PLCE1: variants seen among roughly 807,000 people sequenced by gnomAD.
The protein encoded by PLCE1 is phospholipase C epsilon 1.
A neutral mutation model predicts 242.8 loss-of-function variants in PLCE1; 119 were observed. The ratio of observed to expected loss-of-function variants is 0.49; its 90% CI spans 0.42 to 0.57. PLCE1 has a LOEUF of 0.57. Ranked by LOEUF, PLCE1 falls within the 20% of genes least tolerant of loss-of-function variation. PLCE1 has a pLI of 0.00. For synonymous variants in PLCE1, 945 were observed against 1,017.4 expected (o/e 0.93, Z 1.35); for missense variants, 2,441 against 2,788.8 (o/e 0.88, Z 2.81).
intron 2 of PLCE1, among the ~76,000 whole-genome samples, chr10:94,123,334 GT>G: frequency 6.6e-6 from 1 of 152,258 alleles, no homozygotes; most frequent in East Asian, 1.9e-4. Flanking sequence ...AGTGATAAAG[GT>G]TCAGCTTACT....
At chr10:94,136,958 C>T (rs972423765) in intron 3 of PLCE1, among the ~76,000 whole-genome samples, 7 of 152,120 alleles carry the variant, frequency 4.6e-5, no homozygotes, top group Admixed American at 6.6e-5. Context: ...TTTGGTAGGC[C>T]GAGGCGGGCA....
At chr10:94,320,381 T>C (rs2053754656) in intron 29 of PLCE1, among the ~76,000 whole-genome samples, 1 of 152,156 alleles carries the variant, frequency 6.6e-6, no homozygotes, top group Admixed American at 6.5e-5. Flanking sequence ...ATCATGTAAT[T>C]ATAAGGCCAT....
In PLCE1 at chr10:94,132,353, A is replaced by T; in HGVS notation, c.1386A>T (p.Ile462=). ...EYRATLQRTS[I]SQYITGSLLE... is the part of the protein sequence containing the mutation. ...GCGCCACCCTCCAAAGGACTTCAATATCGCAGTACATCACCGGTTCTCTCC... is the reference window on the plus strand; with the variant it reads ...GCGCCACCCTCCAAAGGACTTCAATTTCGCAGTACATCACCGGTTCTCTCC... Residue 462 remains isoleucine (I), a synonymous_variant, in exon 3 of 33, where the codon ATA becomes ATT. Coordinates refer to ENST00000371380, the MANE Select transcript of PLCE1 (RefSeq NM_016341.4). The T allele has an allele frequency of 6.2e-7, 1 of 1,614,088 alleles. No homozygotes were observed. The highest frequency in any genetic ancestry group is 8.5e-7 in the Non-Finnish European group (1 of 1,179,988).
intron 17 of PLCE1, among the ~76,000 whole-genome samples, chr10:94,269,898 A>G (rs1464763388): frequency 2.0e-5 from 3 of 152,216 alleles, no homozygotes; most frequent in Admixed American, 2.0e-4. Context: ...CTTAGGCTAT[A>G]TAACATAATT....
At chr10:94,283,269 G>A (rs2052313300) in intron 20 of PLCE1, 1 of 152,760 alleles carries the variant, frequency 6.5e-6, no homozygotes, top group African/African-American at 2.4e-5. Flanking sequence ...AATTATAATT[G>A]TGAAGACTTT....
At position 94,330,777 on chromosome 10, in the gene PLCE1, G is replaced by C. The variant is rs891102748; in HGVS notation, c.*2834G>C. ...TCTGATGTTGGCTGAAAATATTTAA[G>C]TTTTATTTAAAGCTTTCTGAATTAA... On this transcript the variant is annotated 3_prime_UTR_variant, in exon 33 of 33. Coordinates refer to ENST00000371380, the MANE Select transcript of PLCE1 (RefSeq NM_016341.4). The C allele has an allele frequency of 1.3e-5, 2 of 151,710 alleles. No individual in the cohort carries two copies. The highest frequency in any genetic ancestry group is 2.9e-5 in the Non-Finnish European group (2 of 68,010). The allele number at this position is 151,710 out of a possible 1,614,324, so 9.4% of individuals were successfully genotyped here. A position where few individuals can be genotyped will look rare whatever the true frequency, so the allele number is the denominator to read the frequency against.
intron 2 of PLCE1, among the ~76,000 whole-genome samples, chr10:94,048,348 G>A (rs1589915287): frequency 6.6e-6 from 1 of 151,948 alleles, no homozygotes; most frequent in African/African-American, 2.4e-5. Flanking sequence ...GGAGATAGTA[G>A]TAAACTGTTT....
At chr10:94,133,988 G>C (rs963107245) in intron 3 of PLCE1, among the ~76,000 whole-genome samples, 1 of 152,118 alleles carries the variant, frequency 6.6e-6, no homozygotes, top group Non-Finnish European at 1.5e-5. Flanking sequence ...GGCTGAGATT[G>C]GCATGTGGAA....
intron 4 of PLCE1, among the ~76,000 whole-genome samples, chr10:94,203,374 G>T (rs1001062335): frequency 6.6e-6 from 1 of 152,202 alleles, no homozygotes; most frequent in Non-Finnish European, 1.5e-5. Flanking sequence ...ATGCAAGGAA[G>T]CATAAAGGTC....
At chr10:94,090,499 G>C (rs1359008726) in intron 2 of PLCE1, among the ~76,000 whole-genome samples, 4 of 152,200 alleles carry the variant, frequency 2.6e-5, no homozygotes, top group Non-Finnish European at 5.9e-5. Context: ...GTCCAAAGTT[G>C]TGTGGAAAGG....
Position 94,043,083 on chromosome 10 carries a change from A to T in PLCE1, c.1206+10831A>T, listed in dbSNP as rs192378957. Among the ~76,000 whole-genome samples the T allele has an allele frequency of 2.6e-3, 396 of 152,304 alleles. 2 individuals carry two copies. Among genetic ancestry groups the T allele is most frequent in the African/African-American group, 9.3e-3 (386 of 41,566 alleles). On this transcript the variant is annotated intron_variant, in intron 2 of 32. Transcript: ENST00000371380. ...AAGGTTGTGAGGCGGTAGGAAAAAG[A>T]TCTAAGCGTGTTGTATATTAAAGTG...
In PLCE1 at chr10:94,304,593, C is replaced by T; in HGVS notation, c.5570C>T (p.Ser1857Phe). 1 of 1,614,080 alleles carries T rather than the reference C, an allele frequency of 6.2e-7. No individual in the cohort carries two copies. Residue 1857 changes from serine (S) to phenylalanine (F), a missense_variant, in exon 25 of 33, where the codon TCT becomes TTT. Around this residue, in one of 5 missense-constraint regions of PLCE1, gnomAD observed 1,004 missense variants for 1,322.7 expected, o/e 0.76. Coordinates refer to ENST00000371380, the MANE Select transcript of PLCE1 (RefSeq NM_016341.4). ...DKNCPMYQKF[S>F]PLERDLDSMD... ...AACTGCCCCATGTATCAGAAGTTTT[C>T]TCCACTAGAAAGAGATCTGGACAGC...
At chr10:94,032,400 C>A in intron 2 of PLCE1, 148 bp downstream of exon 2, 1 of 716,034 alleles carries the variant, frequency 1.4e-6, no homozygotes. Flanking sequence ...TTATTGAAAA[C>A]AGATACTCCA....
At chr10:94,277,384 T>C (rs2051996848) in intron 19 of PLCE1, among the ~76,000 whole-genome samples, 1 of 152,142 alleles carries the variant, frequency 6.6e-6, no homozygotes, top group African/African-American at 2.4e-5. Flanking sequence ...GAGTTACTTT[T>C]ATTCAGGGGC....
rs1189961208 is a variant in PLCE1, at chr10:94,327,999, G to GGAA, written c.*56_*57insGAA. The GGAA allele has an allele frequency of 1.3e-5, 7 of 531,764 alleles. No homozygotes were observed. The highest frequency in any genetic ancestry group is 2.7e-5 in the Non-Finnish European group (7 of 259,202). The allele number at this position is 531,764 out of a possible 1,614,324, so 32.9% of individuals were successfully genotyped here. A position where few individuals can be genotyped will look rare whatever the true frequency, so the allele number is the denominator to read the frequency against. On this transcript the variant is annotated 3_prime_UTR_variant, in exon 33 of 33. Transcript: ENST00000371380. ...ATCTTTAAGCAAGAAGTTAAAGAGT[G>GGAA]AACATGGTGGAAAAAATATAATTAT...
chr10:94,269,001 C>T lies in PLCE1; in HGVS notation c.4354C>T (p.His1452Tyr), dbSNP rs2051616208. The T allele has an allele frequency of 6.2e-7, 1 of 1,601,544 alleles. No individual in the cohort carries two copies. Among genetic ancestry groups the T allele is most frequent in the Non-Finnish European group, 8.5e-7 (1 of 1,170,812 alleles). ...AGACGATGGGATGCCCATCATTTATCATGGACATACGCTGACAACCAAGAT... is the reference window on the plus strand; with the variant it reads ...AGACGATGGGATGCCCATCATTTATTATGGACATACGCTGACAACCAAGAT... Reference protein sequence around the residue: ...DGDDGMPIIYHGHTLTTKIPF... With the variant: ...DGDDGMPIIYYGHTLTTKIPF... The change falls in exon 17 of 33, where the codon CAT becomes TAT. Residue 1452 changes from histidine (H) to tyrosine (Y), a missense_variant. By Grantham distance (83) the His-to-Tyr change is moderately conservative. Coordinates refer to ENST00000371380, the MANE Select transcript of PLCE1 (RefSeq NM_016341.4).
chr10:94,205,201 C>T (rs72814624), intron 4 of PLCE1, among the ~76,000 whole-genome samples: 75 of 152,280 alleles, frequency 4.9e-4, no homozygotes, highest in Non-Finnish European at 9.4e-4. Flanking sequence ...GTTCTCCCTT[C>T]CACCACCTTT....
intron 8 of PLCE1, among the ~76,000 whole-genome samples, chr10:94,249,382 T>C (rs780617745): frequency 1.3e-5 from 2 of 152,012 alleles, no homozygotes; most frequent in Non-Finnish European, 2.9e-5. Flanking sequence ...TGGTGATTTA[T>C]AATACCTCTT....
intron 1 of PLCE1, among the ~76,000 whole-genome samples, chr10:94,010,094 G>A (rs1264387834): frequency 6.6e-6 from 1 of 152,220 alleles, no homozygotes; most frequent in Admixed American, 6.5e-5. Context: ...CAGGCTTTCT[G>A]ATACATCCTC....
Sources: allele counts gnomAD v4.1 joint callset (sites outside exome capture counted in the v4.1 genomes callset), GRCh38; gene constraint gnomAD v4.1.1; regional missense constraint gnomAD v4.1.1; transcripts MANE v1.5; gene names NCBI Gene and HGNC (gene_info 2026-07-23, HGNC 2026-07-21).